LRBA: variants seen among roughly 807,000 people sequenced by gnomAD.
LRBA encodes the protein lipopolysaccharide-responsive and beige-like anchor protein.
A neutral mutation model predicts 330.0 loss-of-function variants in LRBA; 176 were observed. The ratio of observed to expected loss-of-function variants is 0.53; its 90% confidence interval spans 0.47 to 0.60. LRBA has a LOEUF of 0.60. Among genes scored for constraint, LRBA ranks in the 20% least tolerant of loss-of-function variants. LRBA has a pLI of 0.00. For synonymous variants in LRBA, 1,230 were observed against 1,193.0 expected (o/e 1.03, Z -0.64); for missense variants, 3,259 against 3,444.8 (o/e 0.95, Z 1.35).
intron 35 of LRBA, among the ~76,000 whole-genome samples, chr4:150,753,656 A>C (rs1733861435): frequency 6.6e-6 from 1 of 152,212 alleles, no homozygotes; most frequent in African/African-American, 2.4e-5. Context: ...AGCAAATCCT[A>C]TTTAGCAAAA....
At chr4:150,280,775 T>G (rs1451711199) in intron 55 of LRBA, among the ~76,000 whole-genome samples, 1 of 152,206 alleles carries the variant, frequency 6.6e-6, no homozygotes, top group Non-Finnish European at 1.5e-5. Flanking sequence ...TGTCTTGGAT[T>G]CCCAGCCTGT....
At chr4:150,916,319 T>TTA in intron 7 of LRBA, 82 bp downstream of exon 7, 1 of 1,378,762 alleles carries the variant, frequency 7.3e-7, no homozygotes, top group South Asian at 1.4e-5. Flanking sequence ...TAGCATGTTA[T>TTA]TATATGAATA....
intron 53 of LRBA, among the ~76,000 whole-genome samples, chr4:150,294,828 T>A (rs114371149): frequency 0.016 from 2,489 of 152,250 alleles, 68 homozygotes; most frequent in African/African-American, 0.057. Flanking sequence ...GGCGCCCACA[T>A]GTAGTCCCAG....
chr4:150,365,817 T>C (rs1469001871), intron 47 of LRBA, among the ~76,000 whole-genome samples: 2 of 150,904 alleles, frequency 1.3e-5, no homozygotes, highest in East Asian at 3.9e-4. Flanking sequence ...AAAAAAGTGA[T>C]TTCATGTATT....
chr4:150,472,103 A>G lies in LRBA; in HGVS notation c.6552-364T>C, dbSNP rs1279509786. Among the ~76,000 whole-genome samples the G allele has an allele frequency of 5.3e-5, 8 of 152,128 alleles. No individual in the cohort carries two copies. In the East Asian group the frequency reaches 1.5e-3, roughly 29 times the overall value. ...TATAAAATTCTATTCACATGTCTTT[A>G]TTAATTGTAATAGTTATCTTAAATG... On this transcript the variant is annotated intron_variant, in intron 42 of 56. Transcript: ENST00000651943.
intron 36 of LRBA, among the ~76,000 whole-genome samples, chr4:150,694,780 G>T (rs766402416): frequency 6.6e-6 from 1 of 151,488 alleles, no homozygotes; most frequent in Non-Finnish European, 1.5e-5. Flanking sequence ...TAATAGACTG[G>T]ATACAACATG....
At chr4:150,426,861 A>G (rs184266115) in intron 46 of LRBA, among the ~76,000 whole-genome samples, 70 of 152,088 alleles carry the variant, frequency 4.6e-4, no homozygotes, top group Non-Finnish European at 6.6e-4. Flanking sequence ...CATGCTTCAT[A>G]TTATGATAAA....
intron 34 of LRBA, among the ~76,000 whole-genome samples, chr4:150,770,742 A>G (rs185331682): frequency 6.6e-6 from 1 of 152,190 alleles, no homozygotes; most frequent in Admixed American, 6.5e-5. Flanking sequence ...CTTTGTCTTC[A>G]GCAAGCACCT....
intron 47 of LRBA, among the ~76,000 whole-genome samples, chr4:150,412,661 T>G (rs1388844523): frequency 6.6e-6 from 1 of 152,100 alleles, no homozygotes; most frequent in African/African-American, 2.4e-5. Flanking sequence ...GTAAACATAC[T>G]AACAAACTTC....
intron 34 of LRBA, among the ~76,000 whole-genome samples, chr4:150,781,329 G>A (rs566702249): frequency 1.1e-4 from 16 of 152,192 alleles, no homozygotes; most frequent in Non-Finnish European, 1.9e-4. Context: ...AGATTATCAG[G>A]CATTAGATTC....
At chr4:150,537,832 G>A (rs970281322) in intron 40 of LRBA, among the ~76,000 whole-genome samples, 17 of 151,998 alleles carry the variant, frequency 1.1e-4, no homozygotes, top group South Asian at 4.2e-4. Context: ...GTGCACGCCC[G>A]TAGTCCCAGC....
intron 2 of LRBA, among the ~76,000 whole-genome samples, chr4:150,946,675 T>C (rs1736283180): frequency 6.6e-6 from 1 of 151,990 alleles, no homozygotes; most frequent in East Asian, 1.9e-4. Context: ...TAAGTTTCCA[T>C]TTTAAAGAAC....
At chr4:150,429,544 G>A (rs896254579) in intron 46 of LRBA, among the ~76,000 whole-genome samples, 1 of 152,084 alleles carries the variant, frequency 6.6e-6, no homozygotes, top group Non-Finnish European at 1.5e-5. Flanking sequence ...ATGAAGATCA[G>A]GAATTTAGTT....
At chr4:150,371,182 ATTTTTTTTT>A (rs70937395) in intron 47 of LRBA, among the ~76,000 whole-genome samples, 5 of 91,926 alleles carry the variant, frequency 5.4e-5, no homozygotes, top group Admixed American at 2.5e-4. Context: ...AAGCTACTAA[ATTTTTTTTT>A]TTTTTTTTTT....
chr4:150,844,103 G>T lies in LRBA; in HGVS notation c.4566C>A (p.Asp1522Glu), dbSNP rs746654176. Reference protein sequence around the residue: ...INRLRAVVFRDIEDSKQAQFL... With the variant: ...INRLRAVVFREIEDSKQAQFL... The stretch of plus-strand genomic sequence containing the variant: ...TGAAAGACATATTGTAACTTACTAT[G>T]TCTCTGAAAACAACTGCCCTAAGCC... Residue 1522 changes from aspartate (D) to glutamate (E), a missense_variant, in exon 28 of 57, where the codon GAC (aspartate) becomes GAA (glutamate). Physicochemically the swap from Asp to Glu is conservative, Grantham distance 45 (BLOSUM62 2). Coordinates refer to ENST00000651943, the MANE Select transcript of LRBA (RefSeq NM_001364905.1). 2 of 1,587,032 alleles carry T rather than the reference G, an allele frequency of 1.3e-6. No homozygotes were observed. Among genetic ancestry groups the T allele is most frequent in the Admixed American group, 1.7e-5 (1 of 59,872 alleles).
intron 36 of LRBA, among the ~76,000 whole-genome samples, chr4:150,733,584 AC>A (rs1366265230): frequency 6.6e-6 from 1 of 151,688 alleles, no homozygotes; most frequent in Non-Finnish European, 1.5e-5. Context: ...TCTCACACAC[AC>A]ACACACACAC....
Position 150,928,521 on chromosome 4 carries a change from G to A in LRBA, c.544C>T (p.Arg182Ter), listed in dbSNP as rs781391452. 8 of 1,610,348 alleles carry A rather than the reference G, an allele frequency of 5.0e-6. No homozygotes were observed. Among genetic ancestry groups the A allele is most frequent in the Non-Finnish European group, 6.8e-6 (8 of 1,177,758 alleles). Residue 182 changes from arginine (R) to a stop codon, truncating the protein, a stop_gained, in exon 4 of 57, where the codon CGA (arginine) becomes TGA (stop). Transcript: ENST00000651943. LOFTEE classifies it high-confidence loss of function. ...GAGTACTTAAGTTTTTTTACCCATC[G>A]TCCTTTATCTCCTTGAAGTTTACTG... is the stretch of plus-strand genomic sequence containing the variant. ...FFSKLQGDKG[R>*]WPPHAGKLLS...
intron 34 of LRBA, among the ~76,000 whole-genome samples, chr4:150,797,832 G>C (rs780653494): frequency 2.0e-5 from 3 of 152,016 alleles, no homozygotes; most frequent in Non-Finnish European, 4.4e-5. Context: ...AAGATCATTT[G>C]ATCTGGACAT....
intron 28 of LRBA, among the ~76,000 whole-genome samples, chr4:150,837,506 T>C (rs1748311748): frequency 6.6e-6 from 1 of 152,208 alleles, no homozygotes; most frequent in Non-Finnish European, 1.5e-5. Flanking sequence ...ATATTTAGGA[T>C]AGTTAGCTCT....
Sources: allele counts gnomAD v4.1 joint callset (sites outside exome capture counted in the v4.1 genomes callset), GRCh38; gene constraint gnomAD v4.1.1; transcripts MANE v1.5; gene names NCBI Gene and HGNC (gene_info 2026-07-23, HGNC 2026-07-21).